Variants in BNC1 observed in about 807,000 individuals in gnomAD.
BNC1 encodes basonuclin zinc finger protein 1.
In BNC1, 8 loss-of-function variants were observed where a neutral mutation model predicts 66.5. The observed-to-expected ratio is 0.12, with a 90% CI of 0.07 to 0.22. The LOEUF (loss-of-function observed/expected upper bound fraction) is 0.22, where lower values mean the gene tolerates loss of function less well. BNC1 is among the 10% of genes least tolerant of loss of function. The probability of loss-of-function intolerance (pLI) is 1.00; values close to 1 mark genes in which losing one functional copy is unlikely to be tolerated. For synonymous variants in BNC1, 454 were observed against 452.6 expected (o/e 1.00, Z -0.04); for missense variants, 1,069 against 1,241.3 (o/e 0.86, Z 2.09).
chr15:83,258,316 A>T (rs1402882368), intron 4 of BNC1, among the ~76,000 whole-genome samples, 190 bp from the exon 5 acceptor site: 1 of 152,266 alleles, frequency 6.6e-6, no homozygotes, highest in African/African-American at 2.4e-5. Context: ...ATTGCTTGCC[A>T]GAAGTTAGTG....
At chr15:83,262,441 T>C (rs921182194) in intron 4 of BNC1, among the ~76,000 whole-genome samples, 2 of 152,194 alleles carry the variant, frequency 1.3e-5, no homozygotes, top group South Asian at 2.1e-4. Context: ...GAATGATGCA[T>C]ATAATGAAAC....
chr15:83,260,621 G>A (rs898384702), intron 4 of BNC1, among the ~76,000 whole-genome samples: 1 of 152,142 alleles, frequency 6.6e-6, no homozygotes, highest in Admixed American at 6.5e-5. Context: ...TTTCTGGTCT[G>A]TCTCCTCCAC....
chr15:83,273,108 A>T (rs566219477), intron 1 of BNC1, among the ~76,000 whole-genome samples: 2 of 152,322 alleles, frequency 1.3e-5, no homozygotes, highest in South Asian at 4.1e-4. Flanking sequence ...ATGCAGCTTT[A>T]TGAGAAATAT....
intron 1 of BNC1, among the ~76,000 whole-genome samples, chr15:83,281,119 C>A (rs983015692): frequency 2.0e-5 from 3 of 152,096 alleles, no homozygotes; most frequent in African/African-American, 7.2e-5. Context: ...CTGTTTATAC[C>A]CACCCTCTTC....
chr15:83,283,673 C>A (rs2038408964), intron 1 of BNC1, among the ~76,000 whole-genome samples: 1 of 152,222 alleles, frequency 6.6e-6, no homozygotes, highest in Non-Finnish European at 1.5e-5. Context: ...GGACGCGGCT[C>A]GGCCCGGCTT....
intron 1 of BNC1, 106 bp downstream of exon 1, chr15:83,284,424 G>C: frequency 1.4e-6 from 1 of 700,906 alleles, no homozygotes; most frequent in Non-Finnish European, 1.8e-6. Flanking sequence ...GCTGGCCCTC[G>C]GGAGGTGGCC....
At chr15:83,279,969 T>C (rs2038362226) in intron 1 of BNC1, among the ~76,000 whole-genome samples, 1 of 152,212 alleles carries the variant, frequency 6.6e-6, no homozygotes, top group Admixed American at 6.5e-5. Flanking sequence ...GAGTTTAAAG[T>C]ATGCATGACA....
intron 1 of BNC1, among the ~76,000 whole-genome samples, chr15:83,272,426 C>T (rs989476651): frequency 5.6e-5 from 7 of 124,930 alleles, no homozygotes; most frequent in East Asian, 2.4e-4. Flanking sequence ...TTAGTAGAGA[C>T]GGGTTTTGCC....
chr15:83,280,743 G>T (rs933287101), intron 1 of BNC1, among the ~76,000 whole-genome samples: 8 of 152,134 alleles, frequency 5.3e-5, no homozygotes, highest in Non-Finnish European at 7.4e-5. Flanking sequence ...AACTAGAAAA[G>T]AAATTTGAGG....
At chr15:83,268,382 C>CCTG in intron 1 of BNC1, 150 bp from the exon 2 acceptor site, 1 of 684,082 alleles carries the variant, frequency 1.5e-6, no homozygotes, top group South Asian at 1.9e-5. Flanking sequence ...GTATATTGTA[C>CCTG]TCTGGAAAGA....
intron 4 of BNC1, among the ~76,000 whole-genome samples, chr15:83,260,335 A>G (rs1017270593): frequency 2.0e-5 from 3 of 152,180 alleles, no homozygotes; most frequent in Non-Finnish European, 2.9e-5. Flanking sequence ...TTTCATAAAC[A>G]TATGTTAATA....
rs759486222 is a variant in BNC1, at chr15:83,263,938, T to G, written c.1313A>C (p.Tyr438Ser). 1 of 1,614,220 alleles carries G rather than the reference T, an allele frequency of 6.2e-7. No homozygotes were observed. Among genetic ancestry groups the G allele is most frequent in the Non-Finnish European group, 8.5e-7 (1 of 1,180,042 alleles). ...NSLNLASSEN[Y>S]KCPGFTVTSP... ...CGTCACTGTGAAACCTGGGCACTTGTAGTTCTCAGAGCTGGCCAGGTTCAG... is the reference window on the plus strand; with the variant it reads ...CGTCACTGTGAAACCTGGGCACTTGGAGTTCTCAGAGCTGGCCAGGTTCAG... Residue 438 changes from tyrosine (Y) to serine (S), a missense_variant, in exon 4 of 5, where the codon TAC becomes TCC. Coordinates refer to ENST00000345382, the MANE Select transcript of BNC1 (RefSeq NM_001717.4).
chr15:83,264,047 G>A lies in BNC1; in HGVS notation c.1204C>T (p.Arg402Trp). 1 of 1,614,178 alleles carries A rather than the reference G, an allele frequency of 6.2e-7. No individual in the cohort carries two copies. Among genetic ancestry groups the A allele is most frequent in the Non-Finnish European group, 8.5e-7 (1 of 1,180,042 alleles). Reference protein sequence around the residue: ...CNMVFSSLRSRNRHSANPNPR... With the variant: ...CNMVFSSLRSWNRHSANPNPR... ...TTGGGGTTGGCGCTATGGCGATTCC[G>A]GCTCCTTAGGGAGCTGAACACCATG... The change falls in exon 4 of 5, where the codon CGG becomes TGG. Residue 402 changes from arginine (R) to tryptophan (W), a missense_variant. By Grantham distance (101) the Arg-to-Trp change is moderately radical. Coordinates refer to ENST00000345382, the MANE Select transcript of BNC1 (RefSeq NM_001717.4).
intron 1 of BNC1, chr15:83,283,542 G>A (rs1450230459): frequency 1.3e-5 from 13 of 982,768 alleles, no homozygotes; most frequent in African/African-American, 1.7e-5. Context: ...TCGAAGTCGG[G>A]GGCCGGGGGC....
In BNC1 at chr15:83,266,921, C is replaced by G; in HGVS notation, c.350G>C (p.Ser117Thr). The G allele has an allele frequency of 6.2e-7, 1 of 1,614,218 alleles. No individual in the cohort carries two copies. Among genetic ancestry groups the G allele is most frequent in the Non-Finnish European group, 8.5e-7 (1 of 1,180,046 alleles). The change falls in exon 3 of 5, where the codon AGT (serine) becomes ACT (threonine). Residue 117 changes from serine (S) to threonine (T), a missense_variant. Coordinates refer to ENST00000345382, the MANE Select transcript of BNC1 (RefSeq NM_001717.4). ...RLKILLDRLF[S>T]VLKQDEVLQI... The stretch of plus-strand genomic sequence containing the variant: ...GAGAACCTCATCTTGCTTCAACACA[C>G]TGAAGAGCCGGTCCAGTAGGATTTT...
Position 83,263,335 on chromosome 15 carries a change from G to A in BNC1, c.1916C>T (p.Thr639Ile), listed in dbSNP as rs957095900. 1 of 1,614,218 alleles carries A rather than the reference G, an allele frequency of 6.2e-7. No homozygotes were observed. Among genetic ancestry groups the A allele is most frequent in the African/African-American group, 1.3e-5 (1 of 75,052 alleles). ...THNSERETEQ[T>I]PALIMVPREV... Reference sequence around the variant, plus strand: ...CCTTGGCACCATGATCAATGCTGGTGTCTGCTCAGTCTCCCTCTCTGAATT... The same window carrying A: ...CCTTGGCACCATGATCAATGCTGGTATCTGCTCAGTCTCCCTCTCTGAATT... Residue 639 changes from threonine (T) to isoleucine (I), a missense_variant, in exon 4 of 5, where the codon ACA becomes ATA. Thr to Ile is a moderately conservative substitution (Grantham distance 89). Around this residue, in one of 7 missense-constraint regions of BNC1, gnomAD observed 657 missense variants for 715.8 expected, o/e 0.92. Coordinates refer to ENST00000345382, the MANE Select transcript of BNC1 (RefSeq NM_001717.4).
At chr15:83,284,456 G>C in intron 1 of BNC1, 74 bp downstream of exon 1, 1 of 986,518 alleles carries the variant, frequency 1.0e-6, no homozygotes, top group Non-Finnish European at 1.2e-6. Flanking sequence ...ACGGGAGCCG[G>C]AGCCCAGCGG....
chr15:83,281,012 T>C (rs747654322), intron 1 of BNC1, among the ~76,000 whole-genome samples: 1 of 152,190 alleles, frequency 6.6e-6, no homozygotes, highest in Non-Finnish European at 1.5e-5. Flanking sequence ...AATGAGTCCA[T>C]GTGTAGACGG....
chr15:83,283,056 G>C, intron 1 of BNC1: 1 of 1,466,594 alleles, frequency 6.8e-7, no homozygotes, highest in Non-Finnish European at 9.2e-7. Flanking sequence ...GAACCCCCGA[G>C]CGTCTGATGC....
Sources: allele counts gnomAD v4.1 joint callset (sites outside exome capture counted in the v4.1 genomes callset), GRCh38; gene constraint gnomAD v4.1.1; regional missense constraint gnomAD v4.1.1; transcripts MANE v1.5; gene names NCBI Gene and HGNC (gene_info 2026-07-23, HGNC 2026-07-21).